Variants in PML observed in about 807,000 individuals in gnomAD.
PML encodes the protein protein PML.
PML carries 28 observed loss-of-function variants against 65.2 expected under a neutral mutation model. That is an observed-to-expected ratio of 0.43 (90% CI 0.32 to 0.59). The LOEUF is 0.59. Ranked by LOEUF, PML falls within the 20% of genes least tolerant of loss-of-function variation. PML has a pLI of 0.08. For missense variants in PML, 1,021 were observed against 1,203.4 expected, an observed-to-expected ratio of 0.85 and a Z score of 2.24; for synonymous variants, 500 against 508.8, an observed-to-expected ratio of 0.98 and a Z score of 0.23.
In PML at chr15:74,044,376, A is replaced by C. The variant is rs367820386; in HGVS notation, c.2017A>C (p.Ile673Leu). The C allele has an allele frequency of 1.2e-6, 2 of 1,614,046 alleles. No individual in the cohort carries two copies. The highest frequency in any genetic ancestry group is 1.7e-5 in the Admixed American group (1 of 60,010). Residue 673 changes from isoleucine (I) to leucine (L), a missense_variant, in exon 9 of 9, where the codon ATC becomes CTC. Ile to Leu is a conservative substitution (Grantham distance 5, BLOSUM62 2). Transcript: ENST00000268058. ...LSFLSSMRRP[I>L]LACYKLWGPG... ...CTTTCTGAGCTCCATGCGCCGCCCT[A>C]TCTTGGCCTGCTACAAGCTGTGGGG...
At chr15:74,024,775 T>G (rs1488554317) in intron 3 of PML, 82 bp from the exon 4 acceptor site, 1 of 1,001,470 alleles carries the variant, frequency 1.0e-6, no homozygotes, top group Non-Finnish European at 1.6e-6. Context: ...AACAGGGACC[T>G]CCTCTCTATC....
intron 2 of PML, among the ~76,000 whole-genome samples, chr15:74,016,213 G>A (rs1040870361): frequency 6.6e-5 from 10 of 151,960 alleles, no homozygotes; most frequent in Admixed American, 1.3e-4. Flanking sequence ...GGAGGCAGAG[G>A]TTGCAATGAG....
Position 74,042,458 on chromosome 15 carries a change from G to C in PML, c.1711-531G>C, listed in dbSNP as rs564063014. ...AGAATCATCTGGGGTTCAAGATGAGGCTTCTTTCTCCCGTCCCAAGTTTTG... is the reference window on the plus strand; with the variant it reads ...AGAATCATCTGGGGTTCAAGATGAGCCTTCTTTCTCCCGTCCCAAGTTTTG... On this transcript the variant is annotated intron_variant, in intron 7 of 8. Transcript: ENST00000268058. The surrounding 1 kb of genome is among the most constrained non-coding windows in gnomAD (Gnocchi z 5.3). 2 of 985,436 alleles carry C rather than the reference G, an allele frequency of 2.0e-6. No homozygotes were observed. The highest frequency in any genetic ancestry group is 3.5e-5 in the African/African-American group (2 of 57,358). 61.0% of individuals were successfully genotyped at this position (985,436 alleles called of 1,614,324 possible).
In PML at chr15:74,043,009, C is replaced by T; in HGVS notation, c.1731C>T (p.Asp577=). 6.2e-7 allele frequency: 1 copy of T among 1,613,712 alleles called. No individual in the cohort carries two copies. The change falls in exon 8 of 9, where the codon GAC becomes GAT. Residue 577 remains aspartate (D), a synonymous_variant. Transcript: ENST00000268058. This position sits in a 1 kb window ranked among gnomAD's most constrained non-coding sequence, Gnocchi z 4.3. ...TGCAGTCCTCCCGAGAGCTGGATGA[C>T]AGCAGCAGTGAGTCCAGTGACCTCC... ...AENSSSRELD[D]SSSESSDLQL...
rs138866411 is a variant in PML at position 74,024,052 on chromosome 15, G to A, written c.1183+644G>A. 4.4e-4 allele frequency among the ~76,000 whole-genome samples: 67 copies of A among 152,226 alleles called. 1 individual carries two copies. In the East Asian group the frequency reaches 0.011, roughly 25 times the overall value. On this transcript the variant is annotated intron_variant, in intron 3 of 8. Coordinates refer to ENST00000268058, the MANE Select transcript of PML (RefSeq NM_033238.3). ...GTGCTCAGCTCTGCAATCCAAATCC[G>A]GGAGATGTAGCAGCTGTGTATTAGC...
intron 2 of PML, among the ~76,000 whole-genome samples, chr15:74,006,417 A>T (rs1282890439): frequency 6.6e-6 from 1 of 151,944 alleles, no homozygotes; most frequent in Non-Finnish European, 1.5e-5. Flanking sequence ...AAAAGAAAGA[A>T]AAACAGGAGC....
At chr15:74,019,133 T>A (rs2070725624) in intron 2 of PML, among the ~76,000 whole-genome samples, 1 of 152,178 alleles carries the variant, frequency 6.6e-6, no homozygotes, top group African/African-American at 2.4e-5. Flanking sequence ...GCCGCCCATT[T>A]CCATCTAGAG....
At chr15:74,014,371 TCCCAGGCAGTAGCGC>T (rs2070468003) in intron 2 of PML, among the ~76,000 whole-genome samples, 1 of 151,204 alleles carries the variant, frequency 6.6e-6, no homozygotes, top group African/African-American at 2.4e-5. Context: ...TCGCTCTGCC[TCCCAGGCAGTAGCGC>T]AGTGGCGTGA....
At chr15:74,015,559 GA>G (rs1159839889) in intron 2 of PML, among the ~76,000 whole-genome samples, 1 of 152,218 alleles carries the variant, frequency 6.6e-6, no homozygotes, top group Non-Finnish European at 1.5e-5. Context: ...TAGAACAGCA[GA>G]AGTAGCATGC....
At chr15:74,001,200 A>T (rs1206700407) in intron 2 of PML, among the ~76,000 whole-genome samples, 1 of 151,842 alleles carries the variant, frequency 6.6e-6, no homozygotes, top group Admixed American at 6.6e-5. Flanking sequence ...CTTTCCTTAG[A>T]TTGCTTACTG....
chr15:74,043,866 A>G lies in PML; in HGVS notation c.1862-355A>G, dbSNP rs1224821416. ...TTGGAGGAAGGAGCATGGGATGGAGAGCTAAGTTCAAGCAGCCTGGGATCT... is the reference window on the plus strand; with the variant it reads ...TTGGAGGAAGGAGCATGGGATGGAGGGCTAAGTTCAAGCAGCCTGGGATCT... On this transcript the variant is annotated intron_variant, in intron 8 of 8. Transcript: ENST00000268058. This position sits in a 1 kb window ranked among gnomAD's most constrained non-coding sequence, Gnocchi z 4.3. 1.9e-6 allele frequency: 1 copy of G among 515,678 alleles called. No homozygotes were observed. Among genetic ancestry groups the G allele is most frequent in the Non-Finnish European group, 3.7e-6 (1 of 269,358 alleles). 31.9% of individuals were successfully genotyped at this position (515,678 alleles called of 1,614,324 possible).
intron 2 of PML, among the ~76,000 whole-genome samples, chr15:74,011,899 C>T (rs892930836): frequency 1.3e-5 from 2 of 152,190 alleles, no homozygotes; most frequent in Non-Finnish European, 2.9e-5. Flanking sequence ...CCCTTTCCTA[C>T]TCCTGCTGGA....
chr15:74,034,697 C>A, intron 7 of PML, 167 bp downstream of exon 7: 1 of 1,538,754 alleles, frequency 6.5e-7, no homozygotes, highest in African/African-American at 1.4e-5. Flanking sequence ...ATGACAGCTG[C>A]ATGCCTGGAC....
chr15:73,994,898 C>A lies in PML; in HGVS notation c.86C>A (p.Pro29His). The change falls in exon 1 of 9, where the codon CCC (proline) becomes CAC (histidine). Residue 29 changes from proline to histidine, a missense_variant. Pro to His is a moderately conservative substitution (Grantham distance 77, BLOSUM62 -2). Transcript: ENST00000268058. ...CCCACCATGCCTCCCCCCGAGACCCCCTCTGAAGGCCGCCAGCCCAGCCCC... is the reference window on the plus strand; with the variant it reads ...CCCACCATGCCTCCCCCCGAGACCCACTCTGAAGGCCGCCAGCCCAGCCCC... ...QEPTMPPPETPSEGRQPSPSP... is the reference protein window; with the variant it reads ...QEPTMPPPETHSEGRQPSPSP... 6.4e-7 allele frequency: 1 copy of A among 1,550,994 alleles called. No homozygotes were observed. Among genetic ancestry groups the A allele is most frequent in the Admixed American group, 1.9e-5 (1 of 51,520 alleles).
intron 1 of PML, among the ~76,000 whole-genome samples, chr15:73,996,326 C>T (rs560886706): frequency 1.3e-3 from 192 of 152,178 alleles, no homozygotes; most frequent in Non-Finnish European, 1.7e-3. Flanking sequence ...AAATAGATTA[C>T]CAGCGGAAAA....
intron 4 of PML, 30 bp downstream of exon 4, chr15:74,024,957 G>A: frequency 6.6e-7 from 1 of 1,520,340 alleles, no homozygotes. Context: ...TGAAGGGGTG[G>A]TGGTGGGGCC....
Position 74,045,837 on chromosome 15 carries a change from T to C in PML, c.*829T>C, listed in dbSNP as rs1436952669. On this transcript the variant is annotated 3_prime_UTR_variant, in exon 9 of 9. Transcript: ENST00000268058. ...TGCGGCATCAGCATCCCCTGGGAGC[T>C]TCTTAGAAATGCAGACCTGTGGGCT... The C allele has an allele frequency of 4.3e-6, 1 of 232,218 alleles. No homozygotes were observed. Among genetic ancestry groups the C allele is most frequent in the East Asian group, 6.1e-5 (1 of 16,452 alleles). The allele number at this position is 232,218 out of a possible 1,614,324, so 14.4% of individuals were successfully genotyped here. A position where few individuals can be genotyped will look rare whatever the true frequency, so the allele number is the denominator to read the frequency against.
chr15:74,012,162 G>A (rs981346831), intron 2 of PML, among the ~76,000 whole-genome samples: 4 of 151,994 alleles, frequency 2.6e-5, no homozygotes, highest in Admixed American at 6.6e-5. Flanking sequence ...AAAACCCCAA[G>A]ACATTAAGAG....
rs973042186 is a variant in PML, at chr15:74,035,708, T to C, written c.1710+1178T>C. 2 of 1,613,994 alleles carry C rather than the reference T, an allele frequency of 1.2e-6. No individual in the cohort carries two copies. Among genetic ancestry groups the C allele is most frequent in the African/African-American group, 2.7e-5 (2 of 74,900 alleles). Reference sequence around the variant, plus strand: ...ATTTATCCCAGTGGCTCAACAACTTTTTTGCCCTCCCCTTCTCCTCCATGG... The same window carrying C: ...ATTTATCCCAGTGGCTCAACAACTTCTTTGCCCTCCCCTTCTCCTCCATGG... On this transcript the variant is annotated intron_variant, in intron 7 of 8. Coordinates refer to ENST00000268058, the MANE Select transcript of PML (RefSeq NM_033238.3). The surrounding 1 kb of genome is among the most constrained non-coding windows in gnomAD (Gnocchi z 4.1).
Sources: gnomAD v4.1 joint callset for allele counts (sites outside exome capture counted in the v4.1 genomes callset) on GRCh38, gnomAD v4.1.1 for gene constraint, Gnocchi (gnomAD v3.1) non-coding constraint, MANE v1.5 for transcripts, NCBI Gene and HGNC (gene_info 2026-07-23, HGNC 2026-07-21) for gene names.